BTNL8: variants seen among roughly 807,000 people sequenced by gnomAD.
BTNL8 encodes butyrophilin-like protein 8.
A neutral mutation model predicts 36.1 loss-of-function variants in BTNL8; 22 were observed. The observed-to-expected ratio is 0.61, with a 90% CI of 0.44 to 0.87. The LOEUF (loss-of-function observed/expected upper bound fraction) is 0.87, where lower values mean the gene tolerates loss of function less well. BTNL8 is among the 40% of genes least tolerant of loss of function. BTNL8 has a pLI of 0.00. For missense variants in BTNL8, 526 were observed against 616.9 expected (o/e 0.85, Z 1.56); for synonymous variants, 203 against 235.6 (o/e 0.86, Z 1.27).
intron 3 of BTNL8, among the ~76,000 whole-genome samples, chr5:180,940,979 A>G (rs1561945153): frequency 1.3e-5 from 2 of 151,938 alleles, no homozygotes; most frequent in African/African-American, 2.4e-5. Context: ...TGTAGCCCCA[A>G]CTACTCAGGA....
At chr5:180,908,532 TC>T in intron 1 of BTNL8, 53 bp from the exon 2 acceptor site, 1 of 1,560,362 alleles carries the variant, frequency 6.4e-7, no homozygotes, top group Non-Finnish European at 8.7e-7. Context: ...TCTTGGCTCC[TC>T]CCCCTCACTA....
At chr5:180,927,111 C>T (rs1181210945) in intron 3 of BTNL8, among the ~76,000 whole-genome samples, 1 of 152,158 alleles carries the variant, frequency 6.6e-6, no homozygotes, top group East Asian at 1.9e-4. Context: ...CTGGGACGAA[C>T]CTTACAGAGG....
Position 180,899,255 on chromosome 5 carries a change from G to A in BTNL8, c.-56G>A, listed in dbSNP as rs1023262494. The A allele has an allele frequency of 8.5e-5, 135 of 1,589,786 alleles. No homozygotes were observed. Among genetic ancestry groups the A allele is most frequent in the South Asian group, 3.5e-4 (32 of 90,556 alleles). ...TTCTCCTCTTCTCTCTAATCCATCC[G>A]TCACCTCTCCTGTCATCCGTTTCCA... On this transcript the variant is annotated 5_prime_UTR_variant, in exon 1 of 8. Coordinates refer to ENST00000340184, the MANE Select transcript of BTNL8 (RefSeq NM_001040462.3).
intron 3 of BTNL8, among the ~76,000 whole-genome samples, chr5:180,916,376 AAAAG>A (rs202033553): frequency 0.03 from 4,518 of 152,292 alleles, 149 homozygotes; most frequent in African/African-American, 0.073. Context: ...ACATTAAGAA[AAAAG>A]AAAGATCTCA....
At chr5:180,939,585 G>A (rs1484960794) in intron 3 of BTNL8, among the ~76,000 whole-genome samples, 1 of 152,036 alleles carries the variant, frequency 6.6e-6, no homozygotes, top group Non-Finnish European at 1.5e-5. Flanking sequence ...AAAGGGAAAG[G>A]TAGATCCCAA....
At chr5:180,921,108 G>C (rs1757843476) in intron 3 of BTNL8, among the ~76,000 whole-genome samples, 1 of 152,050 alleles carries the variant, frequency 6.6e-6, no homozygotes, top group Non-Finnish European at 1.5e-5. Flanking sequence ...ATTTAGTAAA[G>C]TTGCAGTGTA....
At chr5:180,904,850 C>A (rs1365915239) in intron 1 of BTNL8, among the ~76,000 whole-genome samples, 1 of 152,020 alleles carries the variant, frequency 6.6e-6, no homozygotes, top group Non-Finnish European at 1.5e-5. Context: ...GTATATTGAA[C>A]CAGCCTTGCA....
intron 3 of BTNL8, among the ~76,000 whole-genome samples, chr5:180,916,162 C>G (rs1431708077): frequency 6.6e-6 from 1 of 152,156 alleles, no homozygotes; most frequent in Non-Finnish European, 1.5e-5. Context: ...TGGCATTAAT[C>G]CACTCACGAG....
intron 3 of BTNL8, among the ~76,000 whole-genome samples, chr5:180,943,640 G>A (rs947849425): frequency 5.9e-5 from 9 of 152,248 alleles, no homozygotes; most frequent in Middle Eastern, 3.4e-3. Context: ...CACACCATTG[G>A]TGGGATTTTC....
intron 1 of BTNL8, among the ~76,000 whole-genome samples, chr5:180,903,143 A>T (rs368270646): frequency 8.3e-6 from 1 of 120,760 alleles, no homozygotes; most frequent in South Asian, 2.2e-4. Flanking sequence ...TCCCACCAAC[A>T]GTGTAAAAGT....
intron 3 of BTNL8, among the ~76,000 whole-genome samples, chr5:180,923,309 C>A (rs191477624): frequency 6.6e-6 from 1 of 152,034 alleles, no homozygotes; most frequent in East Asian, 1.9e-4. Flanking sequence ...ATTGAGCTTA[C>A]CCAGGAATAA....
At chr5:180,924,710 A>T (rs1305759226) in intron 3 of BTNL8, among the ~76,000 whole-genome samples, 1 of 152,228 alleles carries the variant, frequency 6.6e-6, no homozygotes, top group Non-Finnish European at 1.5e-5. Flanking sequence ...AAAGGTGGCC[A>T]TTTCTTCAAA....
chr5:180,907,785 G>A (rs916562558), intron 1 of BTNL8, among the ~76,000 whole-genome samples: 8 of 151,892 alleles, frequency 5.3e-5, no homozygotes, highest in Non-Finnish European at 7.4e-5. Flanking sequence ...GCCGTGTGAG[G>A]TGTCAGTGTG....
chr5:180,908,902 C>T lies in BTNL8; in HGVS notation c.366C>T (p.Tyr122=), dbSNP rs751937565. ...YGCRISSQSY[Y]QKAIWELQVS... ...GCAGGATTAGTTCCCAGTCTTACTA[C>T]CAGAAGGCCATCTGGGAGCTACAGG... is the stretch of plus-strand genomic sequence containing the variant. Residue 122 remains tyrosine, a synonymous_variant, in exon 2 of 8, where the codon TAC becomes TAT. Coordinates refer to ENST00000340184, the MANE Select transcript of BTNL8 (RefSeq NM_001040462.3). The T allele has an allele frequency of 1.7e-5, 27 of 1,613,634 alleles. 2 individuals are homozygous for T. In the South Asian group the frequency reaches 2.9e-4, roughly 17 times the overall value.
chr5:180,947,698 C>T (rs1759336369), intron 4 of BTNL8, 73 bp downstream of exon 4: 1 of 1,614,182 alleles, frequency 6.2e-7, no homozygotes, highest in African/African-American at 1.3e-5. Flanking sequence ...GAGATGCTCC[C>T]ACATCCAGCT....
chr5:180,933,772 A>G (rs188118492), intron 3 of BTNL8, among the ~76,000 whole-genome samples: 35 of 152,308 alleles, frequency 2.3e-4, no homozygotes, highest in Admixed American at 8.5e-4. Context: ...CAGAACAATA[A>G]TAAGTAAGGA....
chr5:180,926,031 G>T (rs896471824), intron 3 of BTNL8, among the ~76,000 whole-genome samples: 20 of 152,194 alleles, frequency 1.3e-4, no homozygotes, highest in African/African-American at 4.3e-4. Flanking sequence ...GGCGGTGGCT[G>T]GCAAGATGGC....
At chr5:180,916,310 C>T (rs537197827) in intron 3 of BTNL8, among the ~76,000 whole-genome samples, 4 of 151,792 alleles carry the variant, frequency 2.6e-5, no homozygotes, top group Admixed American at 6.6e-5. Flanking sequence ...TAAACAATAG[C>T]GAAATCTATG....
chr5:180,926,118 A>G (rs1758084666), intron 3 of BTNL8, among the ~76,000 whole-genome samples: 1 of 152,132 alleles, frequency 6.6e-6, no homozygotes, highest in African/African-American at 2.4e-5. Flanking sequence ...TTTCCAACTG[A>G]GGTACCTGGC....
Sources: gnomAD v4.1 joint callset for allele counts (sites outside exome capture counted in the v4.1 genomes callset) on GRCh38, gnomAD v4.1.1 for gene constraint, MANE v1.5 for transcripts, NCBI Gene and HGNC (gene_info 2026-07-23, HGNC 2026-07-21) for gene names.